DOCK4: variants seen among roughly 807,000 people sequenced by gnomAD.
DOCK4 encodes dedicator of cytokinesis protein 4.
DOCK4 carries 97 observed loss-of-function variants against 268.1 expected under a neutral mutation model. That is an observed-to-expected ratio of 0.36 (90% CI 0.31 to 0.43). The LOEUF is 0.43. Among genes scored for constraint, DOCK4 ranks in the 20% least tolerant of loss-of-function variants. DOCK4 has a pLI of 1.00. For synonymous variants in DOCK4, 954 were observed against 887.2 expected (o/e 1.08, Z -1.34); for missense variants, 2,145 against 2,455.7 (o/e 0.87, Z 2.67).
chr7:112,018,164 A>AC (rs1562997113), intron 1 of DOCK4, among the ~76,000 whole-genome samples: 3 of 141,804 alleles, frequency 2.1e-5, no homozygotes, highest in African/African-American at 5.3e-5. Flanking sequence ...AAAAAAAAAA[A>AC]AAAAAAAAAA....
chr7:111,780,995 T>C (rs1286555006), intron 35 of DOCK4, among the ~76,000 whole-genome samples: 1 of 152,224 alleles, frequency 6.6e-6, no homozygotes, highest in African/African-American at 2.4e-5. Flanking sequence ...CTACTGATTA[T>C]ACTATATTAA....
intron 8 of DOCK4, among the ~76,000 whole-genome samples, chr7:111,969,085 A>G (rs1372168691): frequency 9.4e-6 from 1 of 106,344 alleles, no homozygotes; most frequent in African/African-American, 4.2e-5. Context: ...GGGGAGGGAT[A>G]GCATTGGGAG....
At chr7:112,156,436 G>T (rs1299225001) in intron 1 of DOCK4, among the ~76,000 whole-genome samples, 1 of 152,166 alleles carries the variant, frequency 6.6e-6, no homozygotes, top group East Asian at 1.9e-4. Context: ...TGGAATTGAA[G>T]AATTATAAAT....
chr7:112,194,141 C>T (rs963446981), intron 1 of DOCK4, among the ~76,000 whole-genome samples: 1 of 152,122 alleles, frequency 6.6e-6, no homozygotes, highest in Non-Finnish European at 1.5e-5. Context: ...CATAAATAAG[C>T]AATTATTCCT....
Position 111,994,139 on chromosome 7 carries a change from T to C in DOCK4, c.311A>G (p.Tyr104Cys). The C allele has an allele frequency of 6.3e-7, 1 of 1,593,848 alleles. No homozygotes were observed. Among genetic ancestry groups the C allele is most frequent in the Non-Finnish European group, 8.6e-7 (1 of 1,168,632 alleles). The change falls in exon 5 of 53, where the codon TAT (tyrosine) becomes TGT (cysteine). Residue 104 changes from tyrosine (Y) to cysteine (C), a missense_variant. This residue lies in a region of DOCK4 where 1,598 missense variants were observed against 1,986.7 expected (regional missense o/e 0.80). Transcript: ENST00000428084. ...RDWGTMWKQLYVRNEGDLFHR... is the reference protein window; with the variant it reads ...RDWGTMWKQLCVRNEGDLFHR... ...GTCATTAAAAAGCTACTTAACCACA[T>C]AGAGTTGTTTCCACATGGTTCCCCA...
chr7:111,806,201 A>C (rs1421651068), intron 30 of DOCK4, among the ~76,000 whole-genome samples: 1 of 152,184 alleles, frequency 6.6e-6, no homozygotes, highest in Non-Finnish European at 1.5e-5. Flanking sequence ...CAAATTCTCA[A>C]CATGACATAT....
In DOCK4 at chr7:111,726,686, G is replaced by A. The variant is rs1794669119; in HGVS notation, c.*1588C>T. On this transcript the variant is annotated 3_prime_UTR_variant, in exon 53 of 53. Transcript: ENST00000428084. ...TGGCAGAATTGTTAAAAGCACATAT[G>A]TACAAATATTCTTTTTCCATACGTA... 6.6e-6 allele frequency: 1 copy of A among 152,552 alleles called. No individual in the cohort carries two copies. The highest frequency in any genetic ancestry group is 6.5e-5 in the Admixed American group (1 of 15,268). 9.4% of individuals were successfully genotyped at this position (152,552 alleles called of 1,614,324 possible). A position where few individuals can be genotyped will look rare whatever the true frequency, so the allele number is the denominator to read the frequency against.
At chr7:112,123,607 A>G (rs1375790437) in intron 1 of DOCK4, among the ~76,000 whole-genome samples, 6 of 152,208 alleles carry the variant, frequency 3.9e-5, no homozygotes, top group Non-Finnish European at 8.8e-5. Flanking sequence ...CCTGCATAAA[A>G]GAGGAAATAA....
At position 111,739,214 on chromosome 7, in the gene DOCK4, G is replaced by A; in HGVS notation, c.5152C>T (p.His1718Tyr). ...GACAGGCAAGAGTTTTCTCGGGAATGTTTGTGTTTGTCAGACAACAAAGGA... is the reference window on the plus strand; with the variant it reads ...GACAGGCAAGAGTTTTCTCGGGAATATTTGTGTTTGTCAGACAACAAAGGA... ...ASPLLSDKHK[H>Y]SRENSCLSPR... The change falls in exon 49 of 53, where the codon CAT becomes TAT. Residue 1718 changes from histidine (H) to tyrosine (Y), a missense_variant. Physicochemically the swap from His to Tyr is moderately conservative, Grantham distance 83. This residue lies in a region of DOCK4 where 547 missense variants were observed against 469.0 expected (regional missense o/e 1.17). Coordinates refer to ENST00000428084, the MANE Select transcript of DOCK4 (RefSeq NM_001363540.2). 1 of 1,614,050 alleles carries A rather than the reference G, an allele frequency of 6.2e-7. No homozygotes were observed. The highest frequency in any genetic ancestry group is 1.1e-5 in the South Asian group (1 of 91,090).
At chr7:111,945,846 A>C in intron 8 of DOCK4, 48 bp from the exon 9 acceptor site, 1 of 1,420,244 alleles carries the variant, frequency 7.0e-7, no homozygotes, top group Non-Finnish European at 9.7e-7. Context: ...TTAATAGTTA[A>C]AGATTTATCC....
chr7:111,806,586 T>C (rs1800695287), intron 30 of DOCK4, among the ~76,000 whole-genome samples: 1 of 152,138 alleles, frequency 6.6e-6, no homozygotes, highest in Admixed American at 6.5e-5. Context: ...AACAGCGTCT[T>C]AGGATTGTGC....
At chr7:112,011,752 AAAAAC>A (rs1006633130) in intron 1 of DOCK4, among the ~76,000 whole-genome samples, 6 of 151,544 alleles carry the variant, frequency 4.0e-5, no homozygotes, top group African/African-American at 1.5e-4. Flanking sequence ...AGGTCAAAAA[AAAAAC>A]AAAAAAAAAA....
chr7:112,011,610 T>G (rs1283072699), intron 1 of DOCK4, among the ~76,000 whole-genome samples: 1 of 151,822 alleles, frequency 6.6e-6, no homozygotes, highest in Non-Finnish European at 1.5e-5. Flanking sequence ...CACATTCAGA[T>G]TTGAAGACAT....
chr7:111,755,855 T>C (rs957218134), intron 41 of DOCK4, among the ~76,000 whole-genome samples: 1 of 152,218 alleles, frequency 6.6e-6, no homozygotes, highest in Admixed American at 6.5e-5. Context: ...AGCTTAAAAA[T>C]ACAAAAATAG....
intron 1 of DOCK4, among the ~76,000 whole-genome samples, chr7:112,179,756 G>A (rs112786825): frequency 4.0e-4 from 61 of 152,250 alleles, no homozygotes; most frequent in Non-Finnish European, 7.9e-4. Context: ...TAGTTATGCT[G>A]TCAAGATTTA....
At chr7:111,849,262 C>CA (rs1804352029) in intron 23 of DOCK4, among the ~76,000 whole-genome samples, 1 of 133,366 alleles carries the variant, frequency 7.5e-6, no homozygotes, top group South Asian at 2.4e-4. Context: ...TTCCTAGTTA[C>CA]TTTTTTTTTT....
chr7:111,959,944 C>G (rs1180782281), intron 8 of DOCK4, among the ~76,000 whole-genome samples: 2 of 152,190 alleles, frequency 1.3e-5, no homozygotes, highest in African/African-American at 4.8e-5. Flanking sequence ...CAGACGTCTC[C>G]CATTGGTGCG....
At chr7:111,989,686 T>C (rs1303458946) in intron 5 of DOCK4, among the ~76,000 whole-genome samples, 3 of 152,248 alleles carry the variant, frequency 2.0e-5, no homozygotes, top group Admixed American at 6.5e-5. Flanking sequence ...TGCACTGCTA[T>C]TATCGGGCCA....
chr7:111,927,957 C>T (rs1348094317), intron 12 of DOCK4, among the ~76,000 whole-genome samples: 1 of 152,198 alleles, frequency 6.6e-6, no homozygotes, highest in African/African-American at 2.4e-5. Flanking sequence ...CCTGAATAAA[C>T]AGGCCTTCCT....
Sources: allele counts gnomAD v4.1 joint callset (sites outside exome capture counted in the v4.1 genomes callset), GRCh38; gene constraint gnomAD v4.1.1; regional missense constraint gnomAD v4.1.1; transcripts MANE v1.5; gene names NCBI Gene and HGNC (gene_info 2026-07-23, HGNC 2026-07-21).